The following C18orf63 variants were observed in gnomAD, a reference collection of about 807,000 sequenced individuals.
C18orf63 encodes uncharacterized protein C18orf63.
Under a neutral mutation model 75.3 loss-of-function variants are expected in C18orf63, and 50 were observed. That is an observed-to-expected ratio of 0.66 (90% CI 0.53 to 0.84). C18orf63 has a LOEUF of 0.84. Among genes scored for constraint, C18orf63 ranks in the 40% least tolerant of loss-of-function variants. The pLI, the probability that C18orf63 is intolerant of heterozygous loss-of-function variation, is 0.00. For missense variants in C18orf63, 732 were observed against 800.2 expected (o/e 0.91, Z 1.03); for synonymous variants, 232 against 267.6 (o/e 0.87, Z 1.30).
rs1440095982 is a variant in C18orf63, at chr18:74,322,178, A to T, written c.214-520A>T. On this transcript the variant is annotated intron_variant, in intron 3 of 13. Coordinates refer to ENST00000579455, the MANE Select transcript of C18orf63 (RefSeq NM_001174123.2). ...GATACTGCTAAATTGCTGTCTGAAA[A>T]GCTTTTTGCCGGATTGCATGTTAAC... is the stretch of plus-strand genomic sequence containing the variant. Among the ~76,000 whole-genome samples, 4 of 152,212 alleles carry T rather than the reference A, an allele frequency of 2.6e-5. No homozygotes were observed. In the South Asian group the frequency reaches 8.3e-4, roughly 32 times the overall value.
At chr18:74,350,887 G>A (rs192171398) in intron 11 of C18orf63, among the ~76,000 whole-genome samples, 53 of 152,288 alleles carry the variant, frequency 3.5e-4, no homozygotes, top group Admixed American at 3.5e-3. Flanking sequence ...GATATTAGGA[G>A]GTAGGGTCTT....
chr18:74,335,535 A>G (rs1157001350), intron 7 of C18orf63, among the ~76,000 whole-genome samples: 2 of 152,140 alleles, frequency 1.3e-5, no homozygotes, highest in Non-Finnish European at 2.9e-5. Context: ...TATATGCACA[A>G]GTTGCCATTT....
intron 11 of C18orf63, among the ~76,000 whole-genome samples, chr18:74,349,264 C>T (rs1984625788): frequency 6.6e-6 from 1 of 152,170 alleles, no homozygotes; most frequent in Non-Finnish European, 1.5e-5. Flanking sequence ...CAAAACATCT[C>T]TTTAAGGTAG....
At position 74,357,661 on chromosome 18, in the gene C18orf63, A is replaced by G. The variant is rs1046776527; in HGVS notation, c.*1214A>G. On this transcript the variant is annotated 3_prime_UTR_variant, in exon 14 of 14. Coordinates refer to ENST00000579455, the MANE Select transcript of C18orf63 (RefSeq NM_001174123.2). ...TCCACCACTTTACTAAACCATTGCAATTAAAAGCAAAAGTAAACAAACTCT... is the reference window on the plus strand; with the variant it reads ...TCCACCACTTTACTAAACCATTGCAGTTAAAAGCAAAAGTAAACAAACTCT... The G allele has an allele frequency of 2.4e-5, 3 of 127,540 alleles. No individual in the cohort carries two copies. Among genetic ancestry groups the G allele is most frequent in the Non-Finnish European group, 5.3e-5 (3 of 56,318 alleles). 7.9% of individuals were successfully genotyped at this position (127,540 alleles called of 1,614,324 possible).
chr18:74,329,469 T>G (rs1984268578), intron 6 of C18orf63, among the ~76,000 whole-genome samples: 1 of 152,104 alleles, frequency 6.6e-6, no homozygotes, highest in Non-Finnish European at 1.5e-5. Flanking sequence ...CAGATATTAT[T>G]GTAATCAGAA....
chr18:74,318,109 A>C (rs1272177403), intron 2 of C18orf63, 110 bp downstream of exon 2: 2 of 644,120 alleles, frequency 3.1e-6, no homozygotes, highest in Non-Finnish European at 4.6e-6. Context: ...ACTTGTGTTT[A>C]TAATTTTAAA....
At chr18:74,324,441 T>G (rs1984174542) in intron 4 of C18orf63, among the ~76,000 whole-genome samples, 3 of 152,172 alleles carry the variant, frequency 2.0e-5, no homozygotes, top group African/African-American at 7.2e-5. Context: ...ACCAGAACTA[T>G]GCCATAGGAA....
In C18orf63 at chr18:74,353,322, A is replaced by T. The variant is rs960608853; in HGVS notation, c.1055A>T (p.Lys352Met). ...TCTCTGACTCAAGCCACTTCCAGAA[A>T]GCCTGCCTGTGCTCAAAGTCTTCTA... Reference protein sequence around the residue: ...RASLTQATSRKPACAQSLLPC... With the variant: ...RASLTQATSRMPACAQSLLPC... Residue 352 changes from lysine (K) to methionine (M), a missense_variant, in exon 12 of 14, where the codon AAG becomes ATG. Physicochemically the swap from Lys to Met is moderately conservative, Grantham distance 95. This residue lies in a region of C18orf63 where 495 missense variants were observed against 508.7 expected (regional missense o/e 0.97). Coordinates refer to ENST00000579455, the MANE Select transcript of C18orf63 (RefSeq NM_001174123.2). The T allele has an allele frequency of 3.3e-6, 5 of 1,536,446 alleles. No homozygotes were observed. The Admixed American group carries it at 5.9e-5, about 18-fold the overall frequency.
In C18orf63 at chr18:74,343,585, G is replaced by A. The variant is rs1438503343; in HGVS notation, c.861G>A (p.Val287=). ...TTCCAAGGGTAGATTCGGAAGTTGT[G>A]TTGAAAAGTTTTCTTTCAGATTTAA... The part of the protein sequence containing the change: ...QFFPRVDSEV[V]LKSFLSDLKS... The change falls in exon 11 of 14, where the codon GTG becomes GTA. Residue 287 remains valine (V), a synonymous_variant. Coordinates refer to ENST00000579455, the MANE Select transcript of C18orf63 (RefSeq NM_001174123.2). 2 of 1,534,778 alleles carry A rather than the reference G, an allele frequency of 1.3e-6. No individual in the cohort carries two copies. Among genetic ancestry groups the A allele is most frequent in the Admixed American group, 2.0e-5 (1 of 50,860 alleles).
At chr18:74,317,542 A>G (rs981008654) in intron 1 of C18orf63, among the ~76,000 whole-genome samples, 3 of 152,236 alleles carry the variant, frequency 2.0e-5, no homozygotes, top group South Asian at 2.1e-4. Context: ...AAATTATTGC[A>G]ATGATGGTTG....
chr18:74,324,155 C>T (rs1021999991), intron 4 of C18orf63, among the ~76,000 whole-genome samples: 3 of 152,150 alleles, frequency 2.0e-5, no homozygotes, highest in Non-Finnish European at 2.9e-5. Flanking sequence ...TGACGCGGTA[C>T]AAAAGCACTC....
At chr18:74,347,806 A>G (rs1029168389) in intron 11 of C18orf63, among the ~76,000 whole-genome samples, 1 of 152,226 alleles carries the variant, frequency 6.6e-6, no homozygotes, top group African/African-American at 2.4e-5. Context: ...GTTTTAACAT[A>G]TAGAAAATGT....
chr18:74,351,166 C>T (rs1480129556), intron 11 of C18orf63, among the ~76,000 whole-genome samples: 1 of 152,188 alleles, frequency 6.6e-6, no homozygotes, highest in African/African-American at 2.4e-5. Context: ...CCAAATCTCA[C>T]TCAATATTTT....
chr18:74,349,615 A>G (rs564831735), intron 11 of C18orf63, among the ~76,000 whole-genome samples: 66 of 152,264 alleles, frequency 4.3e-4, no homozygotes, highest in Non-Finnish European at 7.4e-4. Flanking sequence ...CATGCTCCTT[A>G]TGAGAATCGA....
At chr18:74,347,042 G>A (rs1035942544) in intron 11 of C18orf63, among the ~76,000 whole-genome samples, 3 of 152,302 alleles carry the variant, frequency 2.0e-5, no homozygotes, top group Non-Finnish European at 4.4e-5. Flanking sequence ...TATATTTGTA[G>A]CTAAGAGCTC....
intron 7 of C18orf63, among the ~76,000 whole-genome samples, chr18:74,338,351 A>T (rs1475612353): frequency 6.6e-6 from 1 of 152,126 alleles, no homozygotes; most frequent in African/African-American, 2.4e-5. Flanking sequence ...TAAAAAAACA[A>T]TTGAGGTTAA....
intron 7 of C18orf63, among the ~76,000 whole-genome samples, chr18:74,336,240 T>A (rs889522930): frequency 7.9e-5 from 12 of 152,050 alleles, no homozygotes; most frequent in Non-Finnish European, 1.0e-4. Context: ...GCCTTAGGTT[T>A]TTTGGTTCAA....
intron 1 of C18orf63, 78 bp downstream of exon 1, chr18:74,316,187 T>TGCCGGC (rs1435102889): frequency 1.3e-5 from 2 of 151,846 alleles, no homozygotes; most frequent in African/African-American, 2.4e-5. Flanking sequence ...AGGATCCCGG[T>TGCCGGC]GCCGGCGCCG....
intron 7 of C18orf63, among the ~76,000 whole-genome samples, chr18:74,333,796 T>C (rs1984347873): frequency 6.6e-6 from 1 of 152,132 alleles, no homozygotes; most frequent in African/African-American, 2.4e-5. Flanking sequence ...CAGGAATATG[T>C]GTTAGTAGAG....
Sources: gnomAD v4.1 joint callset for allele counts (sites outside exome capture counted in the v4.1 genomes callset) on GRCh38, gnomAD v4.1.1 for gene constraint, gnomAD v4.1.1 regional missense constraint, MANE v1.5 for transcripts, NCBI Gene and HGNC (gene_info 2026-07-23, HGNC 2026-07-21) for gene names.